PTPRG: variants seen among roughly 807,000 people sequenced by gnomAD.
PTPRG encodes the protein receptor-type tyrosine-protein phosphatase gamma.
In PTPRG, 102 loss-of-function variants were observed where a neutral mutation model predicts 165.3. That is an observed-to-expected ratio of 0.62 (90% confidence interval 0.53 to 0.73). The LOEUF (loss-of-function observed/expected upper bound fraction) is 0.73, where lower values mean the gene tolerates loss of function less well. PTPRG is among the 30% of genes least tolerant of loss of function. The pLI is 0.00. For synonymous variants in PTPRG, 675 were observed against 669.5 expected (o/e 1.01, Z -0.13); for missense variants, 1,866 against 1,861.4 (o/e 1.00, Z -0.05).
chr3:62,270,657 A>T (rs889146377), intron 20 of PTPRG, among the ~76,000 whole-genome samples: 1 of 152,206 alleles, frequency 6.6e-6, no homozygotes, highest in Non-Finnish European at 1.5e-5. Context: ...CCTTTGTACA[A>T]TAGCACAGGA....
chr3:61,653,635 A>C (rs188319235), intron 1 of PTPRG, among the ~76,000 whole-genome samples: 84 of 152,184 alleles, frequency 5.5e-4, no homozygotes, highest in Non-Finnish European at 1.0e-3. Context: ...AAATCATTGC[A>C]TATGTCTTTG....
rs755543733 is a variant in PTPRG at position 62,203,911 on chromosome 3, C to T, written c.2116C>T (p.Arg706Ter). 3 of 1,597,242 alleles carry T rather than the reference C, an allele frequency of 1.9e-6. No homozygotes were observed. Among genetic ancestry groups the T allele is most frequent in the East Asian group, 2.2e-5 (1 of 44,628 alleles). The part of the protein sequence containing the change: ...PSKKPMSRGD[R>*]FSEDSRFITV... The stretch of plus-strand genomic sequence containing the variant: ...TAAAAAGCCTATGTCCCGCGGGGAC[C>T]GATTTTCTGAAGACAGCAGATTTAT... Residue 706 changes from arginine to a stop codon, truncating the protein, a stop_gained, in exon 12 of 30, where the codon CGA (arginine) becomes TGA (stop). Coordinates refer to ENST00000474889, the MANE Select transcript of PTPRG (RefSeq NM_002841.4). LOFTEE classifies it high-confidence loss of function. This position sits in a 1 kb window ranked among gnomAD's most constrained non-coding sequence, Gnocchi z 6.4.
chr3:62,071,402 A>G (rs1411231178), intron 4 of PTPRG, among the ~76,000 whole-genome samples: 1 of 152,188 alleles, frequency 6.6e-6, no homozygotes, highest in Non-Finnish European at 1.5e-5. Context: ...TTAGGCACAC[A>G]ACTATAATAG....
chr3:62,259,100 T>G (rs954672432), intron 16 of PTPRG, among the ~76,000 whole-genome samples: 1 of 152,234 alleles, frequency 6.6e-6, no homozygotes, highest in Non-Finnish European at 1.5e-5. Context: ...GTGCTAAATT[T>G]GGGCTGGTTG....
At chr3:61,708,852 T>TAGTCACACTTCA (rs2031401301) in intron 1 of PTPRG, among the ~76,000 whole-genome samples, 1 of 152,250 alleles carries the variant, frequency 6.6e-6, no homozygotes, top group African/African-American at 2.4e-5. Context: ...AACTTATATT[T>TAGTCACACTTCA]CATGTGACTG....
chr3:61,749,833 C>G (rs1180348154), intron 2 of PTPRG: 1 of 152,174 alleles, frequency 6.6e-6, no homozygotes, highest in South Asian at 2.1e-4. Context: ...GAGTATTAGT[C>G]TTAATAATAA....
At chr3:61,840,480 A>G (rs1023012009) in intron 2 of PTPRG, among the ~76,000 whole-genome samples, 1 of 152,202 alleles carries the variant, frequency 6.6e-6, no homozygotes, top group Non-Finnish European at 1.5e-5. Context: ...AAGTGATTTA[A>G]TAAGCACTTT....
At chr3:62,289,509 GCTGT>G (rs1270787782) in intron 28 of PTPRG, among the ~76,000 whole-genome samples, 3 of 152,010 alleles carry the variant, frequency 2.0e-5, no homozygotes, top group East Asian at 1.9e-4. Context: ...ACAATAAAAA[GCTGT>G]CTAATAAAAC....
intron 1 of PTPRG, among the ~76,000 whole-genome samples, chr3:61,562,905 G>A (rs1232274453): frequency 1.3e-5 from 2 of 152,090 alleles, no homozygotes; most frequent in Non-Finnish European, 1.5e-5. Flanking sequence ...GGAGGACTGA[G>A]GATGTGTGGG....
intron 5 of PTPRG, among the ~76,000 whole-genome samples, chr3:62,110,089 C>CTTTTTTTTTTTTTTTTTTT (rs371457716): frequency 2.5e-5 from 2 of 79,984 alleles, no homozygotes; most frequent in Non-Finnish European, 2.3e-5. Context: ...GAAATAATGG[C>CTTTTTTTTTTTTTTTTTTT]TTTTTTTTTT....
At chr3:62,097,252 T>A (rs1702149446) in intron 5 of PTPRG, among the ~76,000 whole-genome samples, 1 of 152,186 alleles carries the variant, frequency 6.6e-6, no homozygotes, top group Non-Finnish European at 1.5e-5. Context: ...CAGATCTTGC[T>A]CATGTAATCT....
chr3:62,264,210 T>A (rs1474047866), intron 17 of PTPRG: 2 of 151,416 alleles, frequency 1.3e-5, no homozygotes, highest in Non-Finnish European at 2.9e-5. Context: ...TCCCAGCTAA[T>A]GGAGAGGCAC....
chr3:61,716,094 C>A (rs779429332), intron 1 of PTPRG, among the ~76,000 whole-genome samples: 1 of 152,122 alleles, frequency 6.6e-6, no homozygotes, highest in East Asian at 1.9e-4. Flanking sequence ...GCTCTAAGCT[C>A]TCAGCTCACT....
At chr3:62,234,666 G>A (rs1308007125) in intron 14 of PTPRG, among the ~76,000 whole-genome samples, 1 of 152,024 alleles carries the variant, frequency 6.6e-6, no homozygotes, top group Non-Finnish European at 1.5e-5. Flanking sequence ...TTCTAATGAA[G>A]AGAGATAATC....
intron 1 of PTPRG, among the ~76,000 whole-genome samples, chr3:61,730,238 C>A (rs572192573): frequency 4.2e-4 from 62 of 146,188 alleles, no homozygotes; most frequent in African/African-American, 1.3e-3. Context: ...AGCTACAGTG[C>A]CTCAGCTGTC....
chr3:61,681,054 T>TAAAAAAAAAAAAAAAAA (rs61198100), intron 1 of PTPRG, among the ~76,000 whole-genome samples: 1 of 66,104 alleles, frequency 1.5e-5, no homozygotes, highest in African/African-American at 5.4e-5. Flanking sequence ...CTTTATGTTC[T>TAAAAAAAAAAAAAAAAA]AAAAAAAAAA....
intron 2 of PTPRG, among the ~76,000 whole-genome samples, chr3:61,868,291 C>A (rs925938963): frequency 2.0e-5 from 3 of 152,194 alleles, no homozygotes; most frequent in African/African-American, 7.2e-5. Flanking sequence ...TTTTCTGTTT[C>A]ATCTCTGCTT....
At chr3:62,069,046 C>T (rs1701114930) in intron 4 of PTPRG, among the ~76,000 whole-genome samples, 1 of 152,140 alleles carries the variant, frequency 6.6e-6, no homozygotes, top group Admixed American at 6.5e-5. Context: ...GTTTCTTTGC[C>T]ACACCCTGTG....
rs996462614 is a variant in PTPRG at position 61,888,298 on chromosome 3, A to G, written c.191-101327A>G. On this transcript the variant is annotated intron_variant, in intron 2 of 29. Transcript: ENST00000474889. Reference sequence around the variant, plus strand: ...CCCCTTTACTTTTAAATAATTTTCTATTTCTGTTCTAGGAAAATGGGTTGT... The same window carrying G: ...CCCCTTTACTTTTAAATAATTTTCTGTTTCTGTTCTAGGAAAATGGGTTGT... Among the ~76,000 whole-genome samples, 19 of 149,410 alleles carry G rather than the reference A, an allele frequency of 1.3e-4. No homozygotes were observed. The South Asian group carries it at 1.7e-3, about 13-fold the overall frequency.
Sources: gnomAD v4.1 joint callset for allele counts (sites outside exome capture counted in the v4.1 genomes callset) on GRCh38, gnomAD v4.1.1 for gene constraint, Gnocchi (gnomAD v3.1) non-coding constraint, MANE v1.5 for transcripts, NCBI Gene and HGNC (gene_info 2026-07-23, HGNC 2026-07-21) for gene names.